MNAT1: variants seen among roughly 807,000 people sequenced by gnomAD.
MNAT1 encodes MNAT1 component of CDK activating kinase, also known as CDK-activating kinase assembly factor MAT1.
Under a neutral mutation model 42.0 loss-of-function variants are expected in MNAT1, and 43 were observed. That is an observed-to-expected ratio of 1.02 (90% CI 0.80 to 1.32). The LOEUF is 1.32. Among genes scored for constraint, MNAT1 ranks in the 40% most tolerant of loss-of-function variants. The pLI is 0.00. For missense variants in MNAT1, 306 were observed against 350.4 expected, an observed-to-expected ratio of 0.87 and a Z score of 1.01; for synonymous variants, 118 against 120.0, an observed-to-expected ratio of 0.98 and a Z score of 0.11.
chr14:60,834,819 C>CT (rs1337454884), intron 6 of MNAT1, among the ~76,000 whole-genome samples: 2 of 152,158 alleles, frequency 1.3e-5, no homozygotes, highest in Non-Finnish European at 2.9e-5. Context: ...TTGTAGGTCT[C>CT]TAAGAACTTG....
rs568248831 is a variant in MNAT1, at chr14:60,864,225, G to GT, written c.688-15482dup. 1.2e-3 allele frequency among the ~76,000 whole-genome samples: 174 copies of GT among 151,292 alleles called. 2 individuals are homozygous for GT. Among genetic ancestry groups the GT allele is most frequent in the Middle Eastern group, 0.01 (3 of 294 alleles). On this transcript the variant is annotated intron_variant, in intron 6 of 7. Coordinates refer to ENST00000261245, the MANE Select transcript of MNAT1 (RefSeq NM_002431.4). ...ATTTAAAAAGTACTTATATACTAATGTTTTTTTAAACAAATGAGCACATTA... is the reference window on the plus strand; with the variant it reads ...ATTTAAAAAGTACTTATATACTAATGTTTTTTTTAAACAAATGAGCACATTA...
intron 1 of MNAT1, among the ~76,000 whole-genome samples, chr14:60,735,792 C>G (rs1284443926): frequency 6.6e-6 from 1 of 152,204 alleles, no homozygotes; most frequent in Non-Finnish European, 1.5e-5. Flanking sequence ...TGCCAGATTT[C>G]TTGTCAGATG....
intron 7 of MNAT1, among the ~76,000 whole-genome samples, chr14:60,903,098 G>A (rs1259439099): frequency 6.7e-6 from 1 of 149,586 alleles, no homozygotes; most frequent in African/African-American, 2.5e-5. Context: ...AATGCCTCAA[G>A]TGTTTCATCA....
intron 7 of MNAT1, among the ~76,000 whole-genome samples, chr14:60,950,661 A>G (rs1266187970): frequency 6.6e-6 from 1 of 152,116 alleles, no homozygotes; most frequent in African/African-American, 2.4e-5. Flanking sequence ...GGCCCGAGAC[A>G]ATTTTTCTTC....
chr14:60,827,120 A>C (rs2033078819), intron 6 of MNAT1, among the ~76,000 whole-genome samples: 1 of 152,212 alleles, frequency 6.6e-6, no homozygotes, highest in Admixed American at 6.5e-5. Flanking sequence ...GTCAAAAGAT[A>C]ATTGTTTTAT....
chr14:60,789,921 T>C (rs2031764866), intron 1 of MNAT1, among the ~76,000 whole-genome samples: 1 of 152,178 alleles, frequency 6.6e-6, no homozygotes, highest in African/African-American at 2.4e-5. Context: ...ATTCAAAGTA[T>C]GCTTTTGTAA....
intron 5 of MNAT1, 42 bp downstream of exon 5, chr14:60,812,169 A>C: frequency 1.4e-6 from 2 of 1,477,768 alleles, no homozygotes; most frequent in Non-Finnish European, 1.8e-6. Flanking sequence ...AACATTCTTC[A>C]GGATTTACCT....
At chr14:60,854,007 CT>C (rs1213067215) in intron 6 of MNAT1, among the ~76,000 whole-genome samples, 3 of 152,006 alleles carry the variant, frequency 2.0e-5, no homozygotes, top group African/African-American at 7.2e-5. Flanking sequence ...TCTTTTCATT[CT>C]TTTTTTCTAA....
intron 7 of MNAT1, among the ~76,000 whole-genome samples, chr14:60,888,420 A>G (rs906946480): frequency 6.6e-6 from 1 of 152,142 alleles, no homozygotes; most frequent in Non-Finnish European, 1.5e-5. Context: ...GAAACTCTCA[A>G]TAAATTAGGT....
At chr14:60,846,470 C>T (rs1231770250) in intron 6 of MNAT1, among the ~76,000 whole-genome samples, 1 of 152,004 alleles carries the variant, frequency 6.6e-6, no homozygotes, top group Non-Finnish European at 1.5e-5. Flanking sequence ...AAGCTTTGCT[C>T]TTCTTTTCCT....
At chr14:60,921,911 G>A (rs779483521) in intron 7 of MNAT1, among the ~76,000 whole-genome samples, 10 of 152,044 alleles carry the variant, frequency 6.6e-5, no homozygotes, top group Non-Finnish European at 1.0e-4. Flanking sequence ...ATACAGTGTT[G>A]TATTCAGCAC....
At chr14:60,847,928 T>G (rs1051899582) in intron 6 of MNAT1, among the ~76,000 whole-genome samples, 2 of 148,178 alleles carry the variant, frequency 1.3e-5, no homozygotes, top group African/African-American at 2.6e-5. Context: ...GTTTTACAGG[T>G]TTTTTTTTGT....
At chr14:60,739,924 C>T (rs942751949) in intron 1 of MNAT1, among the ~76,000 whole-genome samples, 1 of 152,136 alleles carries the variant, frequency 6.6e-6, no homozygotes, top group African/African-American at 2.4e-5. Context: ...GAGGCTGAGG[C>T]GGGTGGATCA....
chr14:60,745,389 G>A (rs1399269864), intron 1 of MNAT1, among the ~76,000 whole-genome samples: 1 of 152,080 alleles, frequency 6.6e-6, no homozygotes, highest in Non-Finnish European at 1.5e-5. Context: ...CTGTAGTCTT[G>A]CAGATTTTCT....
intron 7 of MNAT1, among the ~76,000 whole-genome samples, chr14:60,913,710 A>G (rs944976290): frequency 6.6e-6 from 1 of 152,104 alleles, no homozygotes; most frequent in Non-Finnish European, 1.5e-5. Context: ...AGGAGTACCC[A>G]GCCGTGTGAG....
intron 7 of MNAT1, among the ~76,000 whole-genome samples, chr14:60,920,852 A>G (rs1310642365): frequency 6.6e-6 from 1 of 152,194 alleles, no homozygotes; most frequent in Non-Finnish European, 1.5e-5. Flanking sequence ...TAAAAGGAAA[A>G]ACAATCAGGA....
intron 5 of MNAT1, among the ~76,000 whole-genome samples, chr14:60,813,632 G>T (rs1276201568): frequency 6.6e-6 from 1 of 152,138 alleles, no homozygotes; most frequent in Non-Finnish European, 1.5e-5. Flanking sequence ...GAGTGTGATG[G>T]CCATCTTTAG....
chr14:60,795,059 A>T (rs117817777), intron 1 of MNAT1, among the ~76,000 whole-genome samples: 7 of 152,330 alleles, frequency 4.6e-5, no homozygotes, highest in Non-Finnish European at 8.8e-5. Flanking sequence ...TTGCCAACAA[A>T]AGGAGTGATT....
At chr14:60,835,261 A>G (rs573631149) in intron 6 of MNAT1, among the ~76,000 whole-genome samples, 4 of 152,170 alleles carry the variant, frequency 2.6e-5, no homozygotes, top group South Asian at 2.1e-4. Context: ...TTTACGATTA[A>G]CATTGTTATG....
Sources: gnomAD v4.1 joint callset for allele counts (sites outside exome capture counted in the v4.1 genomes callset) on GRCh38, gnomAD v4.1.1 for gene constraint, MANE v1.5 for transcripts, NCBI Gene and HGNC (gene_info 2026-07-23, HGNC 2026-07-21) for gene names.